The following KCMF1 variants were observed in gnomAD, a reference collection of about 807,000 sequenced individuals.
KCMF1 encodes the protein E3 ubiquitin-protein ligase KCMF1.
A neutral mutation model predicts 41.1 loss-of-function variants in KCMF1; 3 were observed. The ratio of observed to expected loss-of-function variants is 0.07; its 90% CI spans 0.03 to 0.19. The LOEUF is 0.19. Ranked by LOEUF, KCMF1 falls within the 10% of genes least tolerant of loss-of-function variation. KCMF1 has a pLI of 1.00. For synonymous variants in KCMF1, 142 were observed against 164.5 expected (o/e 0.86, Z 1.04); for missense variants, 286 against 488.9 (o/e 0.58, Z 3.91).
chr2:85,006,707 A>G (rs1355289671), intron 1 of KCMF1, among the ~76,000 whole-genome samples: 1 of 152,142 alleles, frequency 6.6e-6, no homozygotes, highest in Non-Finnish European at 1.5e-5. Context: ...TGGAATTTTT[A>G]TGTATGTGTG....
chr2:84,985,283 A>C (rs1242194637), intron 1 of KCMF1, among the ~76,000 whole-genome samples: 3 of 152,172 alleles, frequency 2.0e-5, no homozygotes, highest in Non-Finnish European at 4.4e-5. Flanking sequence ...GAATGCTTTG[A>C]GAAACACATT....
At chr2:85,011,093 C>T (rs956042651) in intron 1 of KCMF1, among the ~76,000 whole-genome samples, 3 of 152,128 alleles carry the variant, frequency 2.0e-5, no homozygotes, top group African/African-American at 7.2e-5. Context: ...GTGCCTGCCT[C>T]ACTTCCCAAA....
chr2:84,981,345 GCT>G (rs1559124997), intron 1 of KCMF1, among the ~76,000 whole-genome samples: 4 of 151,686 alleles, frequency 2.6e-5, no homozygotes, highest in African/African-American at 7.3e-5. Flanking sequence ...ACCTGCCACC[GCT>G]CCCGGCTAAT....
At chr2:85,018,797 T>A (rs1674853516) in intron 1 of KCMF1, among the ~76,000 whole-genome samples, 1 of 118,306 alleles carries the variant, frequency 8.5e-6, no homozygotes, top group South Asian at 2.8e-4. Flanking sequence ...GAACTTTGAT[T>A]TTTTTTTTTT....
In KCMF1 at chr2:84,989,476, G is replaced by A. The variant is rs541943321; in HGVS notation, c.16+18009G>A. Among the ~76,000 whole-genome samples the A allele has an allele frequency of 3.3e-5, 5 of 152,308 alleles. No homozygotes were observed. The South Asian group carries it at 1.0e-3, about 32-fold the overall frequency. On this transcript the variant is annotated intron_variant, in intron 1 of 6. Coordinates refer to ENST00000409785, the MANE Select transcript of KCMF1 (RefSeq NM_020122.5). ...GGAGTGAGTTTTTAGGTAATTTTAA[G>A]CCAGGGAGTAACATCTGATTTTTGT...
At chr2:84,978,872 T>C (rs1234815676) in intron 1 of KCMF1, among the ~76,000 whole-genome samples, 1 of 152,092 alleles carries the variant, frequency 6.6e-6, no homozygotes, top group Non-Finnish European at 1.5e-5. Flanking sequence ...TGCGCCACCA[T>C]GTCTGGCTCA....
chr2:85,044,341 T>C (rs1163084121), intron 4 of KCMF1, among the ~76,000 whole-genome samples: 1 of 152,086 alleles, frequency 6.6e-6, no homozygotes, highest in Non-Finnish European at 1.5e-5. Flanking sequence ...TAAGGTCAGC[T>C]CTAGCTTTAA....
At chr2:85,044,847 T>G (rs1675625912) in intron 4 of KCMF1, among the ~76,000 whole-genome samples, 1 of 152,192 alleles carries the variant, frequency 6.6e-6, no homozygotes, top group Non-Finnish European at 1.5e-5. Flanking sequence ...TTCCCTTCCT[T>G]GTCTCTCAAC....
At chr2:85,047,109 C>T (rs762819778) in intron 5 of KCMF1, among the ~76,000 whole-genome samples, 12 of 152,136 alleles carry the variant, frequency 7.9e-5, no homozygotes, top group South Asian at 2.1e-4. Flanking sequence ...GGTTTTGGAA[C>T]GTATCTCCTG....
intron 1 of KCMF1, among the ~76,000 whole-genome samples, chr2:85,007,163 G>A (rs1674494027): frequency 6.6e-6 from 1 of 150,918 alleles, no homozygotes; most frequent in Admixed American, 6.6e-5. Context: ...TCCACTAACT[G>A]GATCTTTGTT....
chr2:85,017,874 G>C (rs1674819556), intron 1 of KCMF1, among the ~76,000 whole-genome samples: 3 of 152,066 alleles, frequency 2.0e-5, no homozygotes, highest in Non-Finnish European at 1.5e-5. Flanking sequence ...AGAAAGAAAA[G>C]ACTACGTATT....
intron 1 of KCMF1, among the ~76,000 whole-genome samples, chr2:84,988,188 C>G (rs890075438): frequency 6.6e-6 from 1 of 151,504 alleles, no homozygotes; most frequent in Non-Finnish European, 1.5e-5. Flanking sequence ...GCCAAGATCG[C>G]GCCATTGCAC....
chr2:85,018,024 A>G (rs1674826079), intron 1 of KCMF1, among the ~76,000 whole-genome samples: 1 of 152,162 alleles, frequency 6.6e-6, no homozygotes. Flanking sequence ...TTCAGATATA[A>G]CTTTTTCAGA....
rs142352933 is a variant in KCMF1, at chr2:84,994,373, A to G, written c.16+22906A>G. Among the ~76,000 whole-genome samples, 25 of 152,262 alleles carry G rather than the reference A, an allele frequency of 1.6e-4. No homozygotes were observed. The East Asian group carries it at 4.4e-3, about 27-fold the overall frequency. ...CACTTGTGTGTGTATATGGAATTGC[A>G]ATGTTACTATCACACCTCACTAAAC... On this transcript the variant is annotated intron_variant, in intron 1 of 6. Coordinates refer to ENST00000409785, the MANE Select transcript of KCMF1 (RefSeq NM_020122.5).
intron 3 of KCMF1, among the ~76,000 whole-genome samples, chr2:85,037,539 G>A (rs949398459): frequency 2.2e-4 from 33 of 152,272 alleles, no homozygotes; most frequent in Non-Finnish European, 4.0e-4. Context: ...ACAGTTATAT[G>A]TAAATGTCCA....
In KCMF1 at chr2:84,978,228, C is replaced by G. The variant is rs1390945936; in HGVS notation, c.16+6761C>G. Among the ~76,000 whole-genome samples the G allele has an allele frequency of 2.0e-5, 3 of 152,146 alleles. No homozygotes were observed. The East Asian group carries it at 5.8e-4, about 29-fold the overall frequency. ...GTCAGGCTGGTCTTGAACTCCCGAC[C>G]TCAGGTCATCCACCCGCCTCGGCCT... On this transcript the variant is annotated intron_variant, in intron 1 of 6. Coordinates refer to ENST00000409785, the MANE Select transcript of KCMF1 (RefSeq NM_020122.5).
intron 1 of KCMF1, among the ~76,000 whole-genome samples, chr2:85,014,386 AC>A (rs1303224679): frequency 6.6e-6 from 1 of 152,088 alleles, no homozygotes; most frequent in Non-Finnish European, 1.5e-5. Context: ...TCAGTAGGCA[AC>A]CCTTTATCTT....
intron 1 of KCMF1, among the ~76,000 whole-genome samples, chr2:84,976,122 C>T (rs947876899): frequency 6.6e-6 from 1 of 151,832 alleles, no homozygotes; most frequent in African/African-American, 2.4e-5. Context: ...AAGTAATTGC[C>T]AACTTTTACT....
At chr2:84,998,536 T>C (rs903389646) in intron 1 of KCMF1, among the ~76,000 whole-genome samples, 8 of 152,218 alleles carry the variant, frequency 5.3e-5, no homozygotes, top group African/African-American at 1.4e-4. Context: ...ATCCACTAAA[T>C]TAATAATTCT....
Sources: allele counts gnomAD v4.1 joint callset (sites outside exome capture counted in the v4.1 genomes callset), GRCh38; gene constraint gnomAD v4.1.1; transcripts MANE v1.5; gene names NCBI Gene and HGNC (gene_info 2026-07-23, HGNC 2026-07-21).